The following MAN1C1 variants were observed in gnomAD, a reference collection of about 807,000 sequenced individuals.
MAN1C1 encodes mannosyl-oligosaccharide 1,2-alpha-mannosidase IC.
Under a neutral mutation model 71.5 loss-of-function variants are expected in MAN1C1, and 49 were observed. The ratio of observed to expected loss-of-function variants is 0.69; its 90% CI spans 0.54 to 0.87. MAN1C1 has a LOEUF of 0.87. MAN1C1 is among the 40% of genes least tolerant of loss of function. The pLI, the probability that MAN1C1 is intolerant of heterozygous loss-of-function variation, is 0.00. For missense variants in MAN1C1, 743 were observed against 835.0 expected (o/e 0.89, Z 1.36); for synonymous variants, 352 against 343.7 (o/e 1.02, Z -0.27).
In MAN1C1 at chr1:25,617,744, C is replaced by T. The variant is rs1430306353; in HGVS notation, c.-54C>T. On this transcript the variant is annotated 5_prime_UTR_variant, in exon 1 of 12. Transcript: ENST00000374332. This position sits in a 1 kb window ranked among gnomAD's most constrained non-coding sequence, Gnocchi z 5.1. ...CGGACGCCCTCCCCTCACCGCGCCC[C>T]CGCAGACACGTGCCTGGACTCCGAG... is the stretch of plus-strand genomic sequence containing the variant. 9 of 1,498,678 alleles carry T rather than the reference C, an allele frequency of 6.0e-6. No homozygotes were observed. Among genetic ancestry groups the T allele is most frequent in the Non-Finnish European group, 7.1e-6 (8 of 1,129,062 alleles). 92.8% of individuals were successfully genotyped at this position (1,498,678 alleles called of 1,614,324 possible).
intron 1 of MAN1C1, among the ~76,000 whole-genome samples, chr1:25,662,561 C>T (rs570540622): frequency 1.8e-5 from 2 of 113,084 alleles, no homozygotes; most frequent in African/African-American, 7.2e-5. Context: ...TCATGGCGTG[C>T]ACACATGCGC....
chr1:25,781,742 TC>T (rs1187378663), intron 10 of MAN1C1, among the ~76,000 whole-genome samples: 2 of 125,048 alleles, frequency 1.6e-5, no homozygotes, highest in Non-Finnish European at 3.3e-5. Flanking sequence ...TCAGACGGGG[TC>T]CAGGGCATGC....
At chr1:25,687,200 G>A (rs904872277) in intron 2 of MAN1C1, among the ~76,000 whole-genome samples, 29 of 152,300 alleles carry the variant, frequency 1.9e-4, no homozygotes, top group East Asian at 5.8e-4. Flanking sequence ...CATCAGGAGC[G>A]GGGGCATGGG....
rs950875332 is a variant in MAN1C1 at position 25,753,990 on chromosome 1, C to T, written c.929+412C>T. Among the ~76,000 whole-genome samples the T allele has an allele frequency of 1.3e-5, 2 of 152,078 alleles. No individual in the cohort carries two copies. The highest frequency in any genetic ancestry group is 1.5e-5 in the Non-Finnish European group (1 of 68,000). ...ACACTCTCTTCCCCCGCTGGGGTTCCGGAGCCAGCAGGCACATCACACCAT... is the reference window on the plus strand; with the variant it reads ...ACACTCTCTTCCCCCGCTGGGGTTCTGGAGCCAGCAGGCACATCACACCAT... On this transcript the variant is annotated intron_variant, in intron 5 of 11. Transcript: ENST00000374332. This position sits in a 1 kb window ranked among gnomAD's most constrained non-coding sequence, Gnocchi z 4.9.
At chr1:25,678,836 A>G (rs1216717924) in intron 1 of MAN1C1, among the ~76,000 whole-genome samples, 1 of 152,216 alleles carries the variant, frequency 6.6e-6, no homozygotes, top group Non-Finnish European at 1.5e-5. Flanking sequence ...GTACAATATG[A>G]GAGGGAAAAA....
At position 25,778,148 on chromosome 1, in the gene MAN1C1, C is replaced by G; in HGVS notation, c.1301C>G (p.Thr434Ser). The change falls in exon 9 of 12, where the codon ACC becomes AGC. Residue 434 changes from threonine (T) to serine (S), a missense_variant. Transcript: ENST00000374332. The surrounding 1 kb of genome is among the most constrained non-coding windows in gnomAD (Gnocchi z 5.5). The part of the protein sequence containing the change: ...YLLNVSPGGL[T>S]YIAEWRGGIL... ...CTGAATGTCTCTCCCGGGGGGCTGA[C>G]CTACATTGCCGAGTGGCGAGGGGGG... 5 of 1,599,814 alleles carry G rather than the reference C, an allele frequency of 3.1e-6. No individual in the cohort carries two copies. Among genetic ancestry groups the G allele is most frequent in the Non-Finnish European group, 4.3e-6 (5 of 1,171,362 alleles).
intron 1 of MAN1C1, among the ~76,000 whole-genome samples, chr1:25,656,590 A>G (rs1239256307): frequency 2.0e-5 from 3 of 151,928 alleles, no homozygotes; most frequent in Non-Finnish European, 4.4e-5. Context: ...CGGGGTCTCT[A>G]CCTTCTGTGG....
intron 11 of MAN1C1, 148 bp from the exon 12 acceptor site, chr1:25,783,515 C>T (rs1414239419): frequency 1.2e-6 from 1 of 819,120 alleles, no homozygotes; most frequent in African/African-American, 1.7e-5. Flanking sequence ...GCACCCCCAC[C>T]CTGCTGCCCA....
chr1:25,702,387 G>A (rs1185170976), intron 2 of MAN1C1, among the ~76,000 whole-genome samples: 1 of 152,188 alleles, frequency 6.6e-6, no homozygotes, highest in Admixed American at 6.5e-5. Context: ...CAGTGGAGAG[G>A]CACGCTCCCT....
intron 7 of MAN1C1, among the ~76,000 whole-genome samples, chr1:25,765,917 G>A (rs868432664): frequency 2.6e-5 from 4 of 152,186 alleles, no homozygotes; most frequent in African/African-American, 4.8e-5. Context: ...CCAAAAGTAC[G>A]GGGAGAAAAT....
chr1:25,755,414 G>T (rs1180351144), intron 5 of MAN1C1, among the ~76,000 whole-genome samples: 3 of 152,204 alleles, frequency 2.0e-5, no homozygotes, highest in Non-Finnish European at 2.9e-5. Flanking sequence ...GGATACACAA[G>T]CTGGCCTTTG....
At chr1:25,712,654 C>T (rs2046629153) in intron 2 of MAN1C1, among the ~76,000 whole-genome samples, 1 of 152,302 alleles carries the variant, frequency 6.6e-6, no homozygotes, top group South Asian at 2.1e-4. Context: ...GGAGGACAGC[C>T]ATTCAAACCG....
chr1:25,747,021 C>T (rs1314287387), intron 3 of MAN1C1, among the ~76,000 whole-genome samples: 1 of 152,184 alleles, frequency 6.6e-6, no homozygotes, highest in Non-Finnish European at 1.5e-5. Context: ...GGGACACAGC[C>T]ACGACCATCC....
At position 25,779,629 on chromosome 1, in the gene MAN1C1, C is replaced by T. The variant is rs1039982880; in HGVS notation, c.1477+1305C>T. 1.2e-4 allele frequency among the ~76,000 whole-genome samples: 19 copies of T among 152,220 alleles called. No individual in the cohort carries two copies. The highest frequency in any genetic ancestry group is 3.6e-4 in the African/African-American group (15 of 41,456). Reference sequence around the variant, plus strand: ...TAATAAAGCATATTGTTCTAGCCAGCCTCGGCTTGTCCTGTGGACGCCTGT... The same window carrying T: ...TAATAAAGCATATTGTTCTAGCCAGTCTCGGCTTGTCCTGTGGACGCCTGT... On this transcript the variant is annotated intron_variant, in intron 9 of 11. Transcript: ENST00000374332. This position sits in a 1 kb window ranked among gnomAD's most constrained non-coding sequence, Gnocchi z 4.6.
At chr1:25,766,469 C>T (rs2124383375) in intron 7 of MAN1C1, among the ~76,000 whole-genome samples, 1 of 152,280 alleles carries the variant, frequency 6.6e-6, no homozygotes, top group East Asian at 1.9e-4. Context: ...GAAGGCAGGA[C>T]AGGCAGGTTC....
intron 2 of MAN1C1, among the ~76,000 whole-genome samples, chr1:25,696,340 C>G (rs973197426): frequency 3.9e-5 from 6 of 152,072 alleles, no homozygotes; most frequent in Non-Finnish European, 8.8e-5. Context: ...GAGGCAGGTC[C>G]TGAGAGGGCC....
chr1:25,671,675 A>G (rs1488859397), intron 1 of MAN1C1, among the ~76,000 whole-genome samples: 1 of 152,180 alleles, frequency 6.6e-6, no homozygotes, highest in African/African-American at 2.4e-5. Flanking sequence ...TTGGTTATTC[A>G]TTGGCATGTA....
chr1:25,680,089 G>A (rs1467330552), intron 1 of MAN1C1, among the ~76,000 whole-genome samples: 4 of 151,682 alleles, frequency 2.6e-5, no homozygotes, highest in Middle Eastern at 3.4e-3. Context: ...TTGAGACGGA[G>A]TCTTGCTCTG....
Position 25,686,419 on chromosome 1 carries a change from CTA to C in MAN1C1, c.541-19_541-18del. 6.2e-7 allele frequency: 1 copy of C among 1,610,542 alleles called. No homozygotes were observed. Among genetic ancestry groups the C allele is most frequent in the Non-Finnish European group, 8.5e-7 (1 of 1,176,762 alleles). ...AGGAATCGTCACACTGAGGTTCTCT[CTA>C]TGCTGCTTTTTCTTGCAGATGATGC... On this transcript the variant is annotated intron_variant, in intron 1 of 11. Coordinates refer to ENST00000374332, the MANE Select transcript of MAN1C1 (RefSeq NM_020379.4).
Sources: allele counts gnomAD v4.1 joint callset (sites outside exome capture counted in the v4.1 genomes callset), GRCh38; gene constraint gnomAD v4.1.1; non-coding constraint Gnocchi (gnomAD v3.1); transcripts MANE v1.5; gene names NCBI Gene and HGNC (gene_info 2026-07-23, HGNC 2026-07-21).